PBK: variants seen among roughly 807,000 people sequenced by gnomAD.
PBK encodes the protein PDZ binding kinase.
PBK carries 22 observed loss-of-function variants against 33.5 expected under a neutral mutation model. The ratio of observed to expected loss-of-function variants is 0.66; its 90% confidence interval spans 0.47 to 0.94. The LOEUF (loss-of-function observed/expected upper bound fraction) is 0.94, where lower values mean the gene tolerates loss of function less well. Among genes scored for constraint, PBK ranks in the 40% least tolerant of loss-of-function variants. The pLI is 0.00. For missense variants in PBK, 376 were observed against 383.4 expected, an observed-to-expected ratio of 0.98 and a Z score of 0.16; for synonymous variants, 129 against 123.8, an observed-to-expected ratio of 1.04 and a Z score of -0.28.
intron 3 of PBK, among the ~76,000 whole-genome samples, chr8:27,827,312 C>T (rs750568606): frequency 3.9e-5 from 6 of 152,134 alleles, no homozygotes; most frequent in East Asian, 1.9e-4. Context: ...TTTTGGGAGG[C>T]GAAGGCGGGC....
At chr8:27,821,047 C>G (rs7357600) in intron 5 of PBK, among the ~76,000 whole-genome samples, 17 of 151,674 alleles carry the variant, frequency 1.1e-4, no homozygotes, top group Middle Eastern at 6.8e-3. Flanking sequence ...TGGTCTGTCT[C>G]GAACTCCTGG....
chr8:27,821,824 T>C (rs1805934623), intron 5 of PBK, among the ~76,000 whole-genome samples: 1 of 152,136 alleles, frequency 6.6e-6, no homozygotes, highest in Admixed American at 6.5e-5. Flanking sequence ...CGTATAAGGA[T>C]GTTTTGGTCA....
intron 3 of PBK, among the ~76,000 whole-genome samples, chr8:27,827,524 C>CA (rs1341319186): frequency 6.6e-6 from 1 of 151,898 alleles, no homozygotes; most frequent in African/African-American, 2.4e-5. Context: ...GACTCTGTTT[C>CA]AAAAAAATAT....
At chr8:27,820,968 C>T (rs540798642) in intron 5 of PBK, among the ~76,000 whole-genome samples, 4 of 151,268 alleles carry the variant, frequency 2.6e-5, no homozygotes, top group East Asian at 2.0e-4. Flanking sequence ...GGACTACAGG[C>T]GGGCACCACC....
rs143420684 is a variant in PBK at position 27,828,700 on chromosome 8, C to T, written c.59-502G>A. On this transcript the variant is annotated intron_variant, in intron 2 of 7. Transcript: ENST00000301905. ...GCCCAGGAGGTTAAGGGTGCAGGTGCAGTGAGCTGTGTTCAGCCTGGGTGA... is the reference window on the plus strand; with the variant it reads ...GCCCAGGAGGTTAAGGGTGCAGGTGTAGTGAGCTGTGTTCAGCCTGGGTGA... Among the ~76,000 whole-genome samples, 1,128 of 127,532 alleles carry T rather than the reference C, an allele frequency of 8.8e-3. 14 individuals are homozygous for T. Among genetic ancestry groups the T allele is most frequent in the African/African-American group, 0.033 (1,064 of 32,660 alleles). 83.7% of individuals were successfully genotyped at this position (127,532 alleles called of 152,430 possible).
At position 27,823,190 on chromosome 8, in the gene PBK, C is replaced by G. The variant is rs1218995420; in HGVS notation, c.168G>C (p.Leu56Phe). Residue 56 changes from leucine to phenylalanine, a missense_variant, in exon 4 of 8, where the codon TTG (leucine) becomes TTC (phenylalanine). Coordinates refer to ENST00000301905, the MANE Select transcript of PBK (RefSeq NM_018492.4). ...VYLMKRSPRGLSHSPWAVKKI... is the reference protein window; with the variant it reads ...VYLMKRSPRGFSHSPWAVKKI... ...TTTTTACAGCCCAAGGAGAATGAGA[C>G]AAACCTCTTGGAGATCTAAGAAAAA... is the stretch of plus-strand genomic sequence containing the variant. 3.3e-6 allele frequency: 5 copies of G among 1,526,076 alleles called. No homozygotes were observed. Among genetic ancestry groups the G allele is most frequent in the Non-Finnish European group, 4.5e-6 (5 of 1,115,480 alleles). The allele number at this position is 1,526,076 out of a possible 1,614,324, so 94.5% of individuals were successfully genotyped here. A position where few individuals can be genotyped will look rare whatever the true frequency, so the allele number is the denominator to read the frequency against.
In PBK at chr8:27,810,232, A is replaced by G; in HGVS notation, c.*73T>C. On this transcript the variant is annotated 3_prime_UTR_variant, in exon 8 of 8. Coordinates refer to ENST00000301905, the MANE Select transcript of PBK (RefSeq NM_018492.4). ...ATGCCAATTTTAGAGTCTAATAACT[A>G]CTGATAGTAACTATGTAAATATTTT... The G allele has an allele frequency of 9.9e-7, 1 of 1,005,554 alleles. No individual in the cohort carries two copies. The allele number at this position is 1,005,554 out of a possible 1,614,324, so 62.3% of individuals were successfully genotyped here.
At position 27,833,369 on chromosome 8, in the gene PBK, C is replaced by G. The variant is rs139091892; in HGVS notation, c.-20-236G>C. Among the ~76,000 whole-genome samples the G allele has an allele frequency of 8.0e-3, 1,211 of 152,122 alleles. 14 individuals carry two copies. The highest frequency in any genetic ancestry group is 0.028 in the African/African-American group (1,146 of 41,496). On this transcript the variant is annotated intron_variant, in intron 1 of 7. Transcript: ENST00000301905. ...TACTAAAAATACAAAATCAGCCAGG[C>G]GTGGTGGCGCATGCGTGTAATCCCA...
In PBK at chr8:27,823,187, A is replaced by G. The variant is rs1450792570; in HGVS notation, c.171T>C (p.Ser57=). 1 of 1,530,704 alleles carries G rather than the reference A, an allele frequency of 6.5e-7. No homozygotes were observed. The highest frequency in any genetic ancestry group is 1.8e-5 in the Admixed American group (1 of 54,922). The allele number at this position is 1,530,704 out of a possible 1,614,324, so 94.8% of individuals were successfully genotyped here. Residue 57 remains serine (S), a synonymous_variant, in exon 4 of 8, where the codon TCT becomes TCC. Coordinates refer to ENST00000301905, the MANE Select transcript of PBK (RefSeq NM_018492.4). ...YLMKRSPRGL[S]HSPWAVKKIN... Reference sequence around the variant, plus strand: ...TCTTTTTTACAGCCCAAGGAGAATGAGACAAACCTCTTGGAGATCTAAGAA... The same window carrying G: ...TCTTTTTTACAGCCCAAGGAGAATGGGACAAACCTCTTGGAGATCTAAGAA...
chr8:27,821,834 A>AATG (rs1233847653), intron 5 of PBK, among the ~76,000 whole-genome samples: 2 of 152,212 alleles, frequency 1.3e-5, no homozygotes, highest in African/African-American at 4.8e-5. Context: ...TGTTTTGGTC[A>AATG]ATGATGGACA....
chr8:27,828,675 G>A (rs1806071902), intron 2 of PBK, among the ~76,000 whole-genome samples: 1 of 146,996 alleles, frequency 6.8e-6, no homozygotes, highest in Admixed American at 6.9e-5. Flanking sequence ...AAACACTTGA[G>A]CCCAGGAGGT....
chr8:27,826,913 A>G (rs545619544), intron 3 of PBK, among the ~76,000 whole-genome samples: 10 of 152,316 alleles, frequency 6.6e-5, no homozygotes, highest in Admixed American at 6.5e-4. Flanking sequence ...GGGGGAAAAA[A>G]ATGAAACTAG....
intron 6 of PBK, among the ~76,000 whole-genome samples, chr8:27,816,094 C>T (rs1026058515): frequency 1.2e-4 from 18 of 152,004 alleles, no homozygotes; most frequent in African/African-American, 3.9e-4. Context: ...CATCATTTAG[C>T]GAGGCCTTCC....
chr8:27,812,564 C>A (rs558676707), intron 6 of PBK: 1 of 150,540 alleles, frequency 6.6e-6, no homozygotes, highest in South Asian at 2.1e-4. Flanking sequence ...TTTTTGCAAT[C>A]GACCTATCTG....
rs1460464402 is a variant in PBK at position 27,810,223 on chromosome 8, C to T, written c.*82G>A. The T allele has an allele frequency of 1.2e-5, 11 of 929,546 alleles. No individual in the cohort carries two copies. In the East Asian group the frequency reaches 2.7e-4, roughly 23 times the overall value. 57.6% of individuals were successfully genotyped at this position (929,546 alleles called of 1,614,324 possible). On this transcript the variant is annotated 3_prime_UTR_variant, in exon 8 of 8. Coordinates refer to ENST00000301905, the MANE Select transcript of PBK (RefSeq NM_018492.4). ...TCCTCAAATATGCCAATTTTAGAGT[C>T]TAATAACTACTGATAGTAACTATGT...
chr8:27,820,572 A>AT lies in PBK; in HGVS notation c.587dup (p.Asn196LysfsTer6), dbSNP rs778811189. On this transcript the variant is annotated frameshift_variant, in exon 6 of 8. Transcript: ENST00000301905. LOFTEE classifies it high-confidence loss of function. ...CTTAAGAGTACAACTTACCAGTCAT[A>AT]TTTTCATCCAGTGGTAGAGAGACTC... 8.3e-6 allele frequency: 13 copies of AT among 1,564,920 alleles called. No homozygotes were observed. The South Asian group carries it at 1.5e-4, about 19-fold the overall frequency.
At chr8:27,826,792 T>A (rs1806033702) in intron 3 of PBK, among the ~76,000 whole-genome samples, 1 of 114,160 alleles carries the variant, frequency 8.8e-6, no homozygotes. Flanking sequence ...CGAGACTCCG[T>A]CTCAAAAAAA....
At chr8:27,828,740 G>A (rs975004897) in intron 2 of PBK, among the ~76,000 whole-genome samples, 11 of 68,272 alleles carry the variant, frequency 1.6e-4, no homozygotes, top group Admixed American at 2.3e-4. Context: ...GCAAGACACA[G>A]TCTCAAAAAA....
chr8:27,827,241 G>C (rs763891360), intron 3 of PBK, among the ~76,000 whole-genome samples: 23 of 152,200 alleles, frequency 1.5e-4, no homozygotes, highest in Non-Finnish European at 2.9e-4. Context: ...TAGGTACAGA[G>C]TAATGATTAA....
Sources: gnomAD v4.1 joint callset for allele counts (sites outside exome capture counted in the v4.1 genomes callset) on GRCh38, gnomAD v4.1.1 for gene constraint, MANE v1.5 for transcripts, NCBI Gene and HGNC (gene_info 2026-07-23, HGNC 2026-07-21) for gene names.